The following AFF3 variants were observed in gnomAD, a reference collection of about 807,000 sequenced individuals.
AFF3 encodes the protein ALF transcription elongation factor 3, also known as AF4/FMR2 family member 3.
Under a neutral mutation model 129.7 loss-of-function variants are expected in AFF3, and 32 were observed. The ratio of observed to expected loss-of-function variants is 0.25; its 90% CI spans 0.19 to 0.33. The LOEUF (loss-of-function observed/expected upper bound fraction) is 0.33. Ranked by LOEUF, AFF3 falls within the 10% of genes least tolerant of loss-of-function variation. AFF3 has a pLI of 1.00. For synonymous variants in AFF3, 644 were observed against 635.4 expected (o/e 1.01, Z -0.20); for missense variants, 1,373 against 1,592.0 (o/e 0.86, Z 2.34).
chr2:99,886,934 G>GT (rs5832889), intron 7 of AFF3, among the ~76,000 whole-genome samples: 53,641 of 152,076 alleles, frequency 0.35, 10,233 homozygotes, highest in East Asian at 0.54. Flanking sequence ...ACCTAGTGCT[G>GT]TAAGAAGTAA....
Position 99,759,391 on chromosome 2 carries a change from T to G in AFF3, c.922-7090A>C, listed in dbSNP as rs371051628. ...AATCCCTTTCAAGAGCATTTGGATT[T>G]ACTAAACATAATCGCCTAAAGAAGT... On this transcript the variant is annotated intron_variant, in intron 8 of 24. Transcript: ENST00000672756. 1.1e-4 allele frequency among the ~76,000 whole-genome samples: 17 copies of G among 152,198 alleles called. No individual in the cohort carries two copies. The East Asian group carries it at 2.5e-3, about 23-fold the overall frequency.
chr2:99,592,943 C>CCA (rs766393879), intron 15 of AFF3, among the ~76,000 whole-genome samples: 3,939 of 122,938 alleles, frequency 0.032, 166 homozygotes, highest in African/African-American at 0.051. Context: ...CCCCCCCCCC[C>CCA]AAAAAAAGGG....
intron 8 of AFF3, among the ~76,000 whole-genome samples, chr2:99,805,213 TC>T (rs1686246698): frequency 6.6e-6 from 1 of 152,184 alleles, no homozygotes; most frequent in South Asian, 2.1e-4. Context: ...TCTGATTCAA[TC>T]CCATGCTTGG....
At chr2:99,859,101 T>C (rs940902812) in intron 7 of AFF3, among the ~76,000 whole-genome samples, 4 of 152,334 alleles carry the variant, frequency 2.6e-5, no homozygotes, top group South Asian at 2.1e-4. Flanking sequence ...CAGTGCTAAA[T>C]TGAGTTTGGA....
At chr2:99,725,251 G>C (rs570969051) in intron 11 of AFF3, among the ~76,000 whole-genome samples, 1 of 152,266 alleles carries the variant, frequency 6.6e-6, no homozygotes, top group Non-Finnish European at 1.5e-5. Context: ...GGGATTACAG[G>C]TGTGAGCCAC....
chr2:99,561,325 A>G (rs1340363640), intron 20 of AFF3, among the ~76,000 whole-genome samples: 1 of 152,234 alleles, frequency 6.6e-6, no homozygotes, highest in East Asian at 1.9e-4. Flanking sequence ...TTATCATCGC[A>G]CTATCTCCTC....
intron 13 of AFF3, among the ~76,000 whole-genome samples, chr2:99,639,106 T>C (rs1370481987): frequency 1.3e-5 from 2 of 152,210 alleles, no homozygotes; most frequent in African/African-American, 2.4e-5. Context: ...GGGCAATTAG[T>C]GGCTTTATAC....
intron 10 of AFF3, among the ~76,000 whole-genome samples, chr2:99,729,543 T>C (rs949163381): frequency 1.3e-5 from 2 of 152,142 alleles, no homozygotes; most frequent in African/African-American, 4.8e-5. Context: ...ACTATTTTTG[T>C]CCTTCAGAAA....
chr2:99,638,836 T>C (rs1683919036), intron 13 of AFF3, among the ~76,000 whole-genome samples: 1 of 152,206 alleles, frequency 6.6e-6, no homozygotes, highest in Non-Finnish European at 1.5e-5. Context: ...TCCAGTTAGG[T>C]GGCATTAAGT....
chr2:99,846,765 T>C (rs948306087), intron 7 of AFF3, among the ~76,000 whole-genome samples: 1 of 152,248 alleles, frequency 6.6e-6, no homozygotes, highest in Non-Finnish European at 1.5e-5. Context: ...GCACATTCTA[T>C]TAATTTTATT....
At chr2:100,052,709 T>C (rs1480159175) in intron 4 of AFF3, among the ~76,000 whole-genome samples, 1 of 152,152 alleles carries the variant, frequency 6.6e-6, no homozygotes, top group Non-Finnish European at 1.5e-5. Flanking sequence ...CATACTGTTT[T>C]AAAGCCTAAA....
chr2:100,027,450 C>T (rs940815633), intron 4 of AFF3, among the ~76,000 whole-genome samples: 12 of 152,156 alleles, frequency 7.9e-5, no homozygotes, highest in African/African-American at 2.4e-4. Context: ...AACTTGGGTA[C>T]CAAGGCTTCT....
intron 7 of AFF3, among the ~76,000 whole-genome samples, chr2:99,864,487 G>T (rs1454571280): frequency 6.6e-6 from 1 of 152,304 alleles, no homozygotes; most frequent in Admixed American, 6.5e-5. Flanking sequence ...TAGACTTGTA[G>T]GCTGGGAGAA....
rs77806137 is a variant in AFF3, at chr2:99,681,482, C to T, written c.1092-8893G>A. On this transcript the variant is annotated intron_variant, in intron 11 of 24. Coordinates refer to ENST00000672756, the MANE Select transcript of AFF3 (RefSeq NM_001386135.1). The stretch of plus-strand genomic sequence containing the variant: ...TGCTATGGTCTGAATGTTCCGTGTT[C>T]CCTCAAAATTCACATATTGAAACCT... 3.4e-3 allele frequency among the ~76,000 whole-genome samples: 524 copies of T among 152,258 alleles called. 3 individuals are homozygous for T. The highest frequency in any genetic ancestry group is 0.012 in the African/African-American group (500 of 41,562).
At chr2:99,577,252 T>C (rs991220383) in intron 18 of AFF3, among the ~76,000 whole-genome samples, 1 of 152,112 alleles carries the variant, frequency 6.6e-6, no homozygotes, top group Non-Finnish European at 1.5e-5. Context: ...GGTGAATAAA[T>C]AGATCATGCC....
rs1051535734 is a variant in AFF3 at position 99,872,247 on chromosome 2, T to C, written c.874-34723A>G. Reference sequence around the variant, plus strand: ...AAAAAAAAAAAGGGAAAACGGCACATGGCAAGAACATCTCTAATTAGTGAT... The same window carrying C: ...AAAAAAAAAAAGGGAAAACGGCACACGGCAAGAACATCTCTAATTAGTGAT... On this transcript the variant is annotated intron_variant, in intron 7 of 24. Transcript: ENST00000672756. Among the ~76,000 whole-genome samples, 11 of 144,496 alleles carry C rather than the reference T, an allele frequency of 7.6e-5. No homozygotes were observed. In the Admixed American group the frequency reaches 7.6e-4, roughly 10 times the overall value. 94.8% of individuals were successfully genotyped at this position (144,496 alleles called of 152,430 possible).
rs142841465 is a variant in AFF3 at position 99,996,360 on chromosome 2, C to A, written c.873+10272G>T. On this transcript the variant is annotated intron_variant, in intron 7 of 24. Transcript: ENST00000672756. ...ACCAAAACATTAACTGTGATTATTT[C>A]CAGATTATAGAACCACAGGTGATTT... Among the ~76,000 whole-genome samples, 17 of 152,134 alleles carry A rather than the reference C, an allele frequency of 1.1e-4. No homozygotes were observed. In the East Asian group the frequency reaches 3.1e-3, roughly 28 times the overall value.
intron 2 of AFF3, among the ~76,000 whole-genome samples, chr2:100,108,616 C>T (rs916252292): frequency 2.2e-4 from 34 of 152,228 alleles, no homozygotes; most frequent in African/African-American, 7.5e-4. Context: ...GACATACTCC[C>T]TGCAAATGGT....
At chr2:100,048,492 T>C (rs1007548491) in intron 4 of AFF3, among the ~76,000 whole-genome samples, 6 of 152,258 alleles carry the variant, frequency 3.9e-5, no homozygotes, top group Non-Finnish European at 5.9e-5. Context: ...TAGTTTTACA[T>C]GTAATGTACT....
Sources: gnomAD v4.1 joint callset for allele counts (sites outside exome capture counted in the v4.1 genomes callset) on GRCh38, gnomAD v4.1.1 for gene constraint, MANE v1.5 for transcripts, NCBI Gene and HGNC (gene_info 2026-07-23, HGNC 2026-07-21) for gene names.